The following ST7 variants were observed in gnomAD, a reference collection of about 807,000 sequenced individuals.
ST7 encodes the protein suppression of tumorigenicity 7.
A neutral mutation model predicts 78.7 loss-of-function variants in ST7; 28 were observed. The ratio of observed to expected loss-of-function variants is 0.36; its 90% CI spans 0.26 to 0.49. The LOEUF (loss-of-function observed/expected upper bound fraction) is 0.49, where lower values mean the gene tolerates loss of function less well. Among genes scored for constraint, ST7 ranks in the 20% least tolerant of loss-of-function variants. The pLI, the probability that ST7 is intolerant of heterozygous loss-of-function variation, is 0.99. For synonymous variants in ST7, 247 were observed against 249.6 expected, an observed-to-expected ratio of 0.99 and a Z score of 0.10; for missense variants, 418 against 696.0, an observed-to-expected ratio of 0.60 and a Z score of 4.49.
intron 1 of ST7, among the ~76,000 whole-genome samples, chr7:117,093,088 T>TTAGA (rs1363793830): frequency 2.6e-5 from 4 of 152,188 alleles, no homozygotes; most frequent in Non-Finnish European, 5.9e-5. Flanking sequence ...GGAGCACATG[T>TTAGA]TAGACTTCAG....
chr7:117,140,237 A>G (rs529325639), intron 9 of ST7, among the ~76,000 whole-genome samples: 1 of 152,246 alleles, frequency 6.6e-6, no homozygotes, highest in East Asian at 1.9e-4. Context: ...CCATTGATTG[A>G]CCTAGTTCAC....
intron 1 of ST7, among the ~76,000 whole-genome samples, chr7:117,026,075 A>G (rs1409346970): frequency 6.6e-6 from 1 of 152,200 alleles, no homozygotes; most frequent in South Asian, 2.1e-4. Flanking sequence ...TCCTGTATAA[A>G]CTGTGGGGAG....
chr7:116,976,048 G>A (rs1030539492), intron 1 of ST7, among the ~76,000 whole-genome samples: 15 of 152,170 alleles, frequency 9.9e-5, no homozygotes, highest in Middle Eastern at 3.4e-3. Flanking sequence ...ATCACCTGAG[G>A]TCAGGAGTTC....
At chr7:117,027,163 G>A (rs1796225857) in intron 1 of ST7, among the ~76,000 whole-genome samples, 1 of 152,214 alleles carries the variant, frequency 6.6e-6, no homozygotes, top group Non-Finnish European at 1.5e-5. Flanking sequence ...AGAATAAAGG[G>A]CTGGGCACAG....
chr7:117,048,984 CT>C (rs1371668424), intron 1 of ST7, among the ~76,000 whole-genome samples: 1 of 152,154 alleles, frequency 6.6e-6, no homozygotes, highest in Admixed American at 6.5e-5. Flanking sequence ...AAAAGGCAGT[CT>C]TTTATTGACA....
At chr7:117,184,293 G>A (rs1209619125) in intron 10 of ST7, 1 of 152,104 alleles carries the variant, frequency 6.6e-6, no homozygotes, top group African/African-American at 2.4e-5. Flanking sequence ...TTGCTCTTTG[G>A]ATTCTAACTC....
intron 1 of ST7, among the ~76,000 whole-genome samples, chr7:117,078,438 G>T (rs1799518010): frequency 6.6e-6 from 1 of 152,104 alleles, no homozygotes; most frequent in South Asian, 2.1e-4. Context: ...GCATGTATTT[G>T]GTTATCATAT....
At chr7:117,215,727 G>A (rs1792641502) in intron 13 of ST7, among the ~76,000 whole-genome samples, 2 of 152,134 alleles carry the variant, frequency 1.3e-5, no homozygotes, top group African/African-American at 4.8e-5. Flanking sequence ...CATCACCGTG[G>A]GAACCTTTGC....
At chr7:117,026,710 G>C (rs1201948955) in intron 1 of ST7, among the ~76,000 whole-genome samples, 2 of 152,204 alleles carry the variant, frequency 1.3e-5, no homozygotes, top group African/African-American at 2.4e-5. Flanking sequence ...CTTACAGTGT[G>C]ACTTATCCAA....
intron 1 of ST7, among the ~76,000 whole-genome samples, chr7:117,028,956 A>T (rs975044655): frequency 2.0e-5 from 3 of 152,256 alleles, no homozygotes; most frequent in East Asian, 3.9e-4. Context: ...AATCCACATG[A>T]CCTTTTACCA....
At chr7:117,003,206 A>G (rs1217581626) in intron 1 of ST7, among the ~76,000 whole-genome samples, 1 of 152,026 alleles carries the variant, frequency 6.6e-6, no homozygotes. Context: ...GCTAGAGTGC[A>G]GTGTCATGAG....
At chr7:116,997,987 G>A (rs116906539) in intron 1 of ST7, among the ~76,000 whole-genome samples, 2,929 of 152,354 alleles carry the variant, frequency 0.019, 43 homozygotes, top group Middle Eastern at 0.037. Context: ...GTCCCATGCC[G>A]TGTGCCCTCG....
At position 117,035,492 on chromosome 7, in the gene ST7, T is replaced by C. The variant is rs1218768838; in HGVS notation, c.152-64270T>C. On this transcript the variant is annotated intron_variant, in intron 1 of 15. Coordinates refer to ENST00000323984, the MANE Select transcript of ST7 (RefSeq NM_001369598.1). ...ATAATTCATCTGCAAATTCAAATTC[T>C]ATTTGGTACATCTAATTTGCTTAAA... Among the ~76,000 whole-genome samples the C allele has an allele frequency of 3.3e-5, 5 of 152,364 alleles. No individual in the cohort carries two copies. The East Asian group carries it at 9.6e-4, about 29-fold the overall frequency.
intron 1 of ST7, among the ~76,000 whole-genome samples, chr7:117,056,980 TC>T (rs1798095633): frequency 6.6e-6 from 1 of 152,170 alleles, no homozygotes; most frequent in South Asian, 2.1e-4. Context: ...TATTGAAGGG[TC>T]CTAGCTCTGA....
At chr7:117,003,234 T>C (rs1344845264) in intron 1 of ST7, among the ~76,000 whole-genome samples, 1 of 152,022 alleles carries the variant, frequency 6.6e-6, no homozygotes, top group Admixed American at 6.5e-5. Flanking sequence ...TGGGCCCAAG[T>C]GATCTTTCCA....
In ST7 at chr7:117,021,365, T is replaced by C. The variant is rs532317105; in HGVS notation, c.151+67674T>C. On this transcript the variant is annotated intron_variant, in intron 1 of 15. Transcript: ENST00000323984. Reference sequence around the variant, plus strand: ...TTAATGTTGATATAGAAATATAACGTCAATGCAGTTGTACAGGCTCTGCAG... The same window carrying C: ...TTAATGTTGATATAGAAATATAACGCCAATGCAGTTGTACAGGCTCTGCAG... Among the ~76,000 whole-genome samples, 18 of 152,316 alleles carry C rather than the reference T, an allele frequency of 1.2e-4. No homozygotes were observed. In the South Asian group the frequency reaches 3.7e-3, roughly 32 times the overall value.
At chr7:117,020,280 G>T in intron 1 of ST7, 1 of 365,868 alleles carries the variant, frequency 2.7e-6, no homozygotes. Flanking sequence ...TCCCAGTCCT[G>T]CCCCTGCTGC....
At position 117,059,695 on chromosome 7, in the gene ST7, G is replaced by C. The variant is rs1798249010; in HGVS notation, c.152-40067G>C. ...AATATTAAATCAGATTCTTGGCCAGGCACGGTGGCTTTTGCCTGTAATCCC... is the reference window on the plus strand; with the variant it reads ...AATATTAAATCAGATTCTTGGCCAGCCACGGTGGCTTTTGCCTGTAATCCC... On this transcript the variant is annotated intron_variant, in intron 1 of 15. Coordinates refer to ENST00000323984, the MANE Select transcript of ST7 (RefSeq NM_001369598.1). 2.0e-5 allele frequency among the ~76,000 whole-genome samples: 3 copies of C among 151,162 alleles called. No individual in the cohort carries two copies. In the South Asian group the frequency reaches 6.3e-4, roughly 32 times the overall value.
At chr7:117,102,317 C>T (rs971794831) in intron 2 of ST7, among the ~76,000 whole-genome samples, 5 of 152,188 alleles carry the variant, frequency 3.3e-5, no homozygotes, top group African/African-American at 1.2e-4. Context: ...AAATTTACTT[C>T]TACTTAACCT....
Sources: allele counts gnomAD v4.1 joint callset (sites outside exome capture counted in the v4.1 genomes callset), GRCh38; gene constraint gnomAD v4.1.1; transcripts MANE v1.5; gene names NCBI Gene and HGNC (gene_info 2026-07-23, HGNC 2026-07-21).